Variants in CPED1 observed in about 807,000 individuals in gnomAD.
CPED1 encodes cadherin-like and PC-esterase domain-containing protein 1.
Under a neutral mutation model 128.2 loss-of-function variants are expected in CPED1, and 114 were observed. The ratio of observed to expected loss-of-function variants is 0.89; its 90% CI spans 0.76 to 1.04. The LOEUF (loss-of-function observed/expected upper bound fraction) is 1.04, where lower values mean the gene tolerates loss of function less well. CPED1 is among the 50% of genes least tolerant of loss of function. The pLI, the probability that CPED1 is intolerant of heterozygous loss-of-function variation, is 0.00. For synonymous variants in CPED1, 462 were observed against 426.7 expected (o/e 1.08, Z -1.02); for missense variants, 1,211 against 1,207.1 (o/e 1.00, Z -0.05).
intron 16 of CPED1, among the ~76,000 whole-genome samples, chr7:121,164,610 C>T (rs962648946): frequency 6.6e-6 from 1 of 152,134 alleles, no homozygotes; most frequent in South Asian, 2.1e-4. Context: ...GCCTCTTGTC[C>T]CCAAACTGCG....
At chr7:120,991,902 T>C (rs1161787974) in intron 2 of CPED1, among the ~76,000 whole-genome samples, 1 of 152,226 alleles carries the variant, frequency 6.6e-6, no homozygotes, top group African/African-American at 2.4e-5. Flanking sequence ...ATTAGCCATG[T>C]CACTCCATTT....
At chr7:121,173,925 C>G (rs1185567191) in intron 16 of CPED1, among the ~76,000 whole-genome samples, 2 of 152,094 alleles carry the variant, frequency 1.3e-5, no homozygotes, top group African/African-American at 4.8e-5. Context: ...AATAACCATT[C>G]TGACTGGTGT....
At chr7:121,272,338 A>G (rs1443404969) in intron 22 of CPED1, among the ~76,000 whole-genome samples, 1 of 152,064 alleles carries the variant, frequency 6.6e-6, no homozygotes, top group Non-Finnish European at 1.5e-5. Flanking sequence ...TTTGACTAGT[A>G]CAAGCATAAC....
At chr7:121,078,464 CAT>C (rs1201979095) in intron 5 of CPED1, among the ~76,000 whole-genome samples, 1 of 122,592 alleles carries the variant, frequency 8.2e-6, no homozygotes, top group Non-Finnish European at 1.6e-5. Flanking sequence ...GCCTGGGTAA[CAT>C]GAGATCCTGT....
intron 7 of CPED1, among the ~76,000 whole-genome samples, chr7:121,116,640 G>A (rs150998907): frequency 1.9e-3 from 292 of 152,102 alleles, no homozygotes; most frequent in African/African-American, 6.6e-3. Context: ...GGATTTCAGG[G>A]TCCATCCATA....
intron 7 of CPED1, among the ~76,000 whole-genome samples, chr7:121,103,315 C>G (rs1197194903): frequency 6.6e-6 from 1 of 152,082 alleles, no homozygotes; most frequent in Non-Finnish European, 1.5e-5. Flanking sequence ...ACTGTTATCT[C>G]CTCAGAGGGA....
chr7:121,261,485 C>T (rs1370386562), intron 18 of CPED1: 7 of 1,182,226 alleles, frequency 5.9e-6, no homozygotes, highest in Non-Finnish European at 8.5e-6. Flanking sequence ...TAGCACACAA[C>T]TTGACTATAT....
At chr7:121,051,307 G>A (rs1456156238) in intron 4 of CPED1, 6 of 459,416 alleles carry the variant, frequency 1.3e-5, no homozygotes, top group Non-Finnish European at 2.5e-5. Context: ...TTTTTTAGTA[G>A]CTCTAGAAAC....
Position 121,231,752 on chromosome 7 carries a change from G to C in CPED1, c.2056-4962G>C, listed in dbSNP as rs1390514429. On this transcript the variant is annotated intron_variant, in intron 16 of 22. Transcript: ENST00000310396. ...AAATTGAAAGAGTTAGGAATCATGG[G>C]AATGGAAGTTCTGCATGACTGCAGA... Among the ~76,000 whole-genome samples the C allele has an allele frequency of 2.6e-5, 4 of 152,012 alleles. No individual in the cohort carries two copies. The East Asian group carries it at 7.7e-4, about 29-fold the overall frequency.
In CPED1 at chr7:121,120,110, TG is replaced by T. The variant is rs1402924368; in HGVS notation, c.919-4218del. On this transcript the variant is annotated intron_variant, in intron 7 of 22. Transcript: ENST00000310396. ...AATGTCAATAATGCTATTATGAACA[TG>T]GGTGTGTAAATATGTCTTTGAGACC... Among the ~76,000 whole-genome samples the T allele has an allele frequency of 2.0e-5, 3 of 152,236 alleles. No individual in the cohort carries two copies. In the East Asian group the frequency reaches 5.8e-4, roughly 29 times the overall value.
At position 121,194,786 on chromosome 7, in the gene CPED1, T is replaced by C. The variant is rs74864469; in HGVS notation, c.2056-41928T>C. Among the ~76,000 whole-genome samples, 3,333 of 152,220 alleles carry C rather than the reference T, an allele frequency of 0.022. 173 individuals carry two copies. In the East Asian group the frequency reaches 0.23, roughly 10 times the overall value. On this transcript the variant is annotated intron_variant, in intron 16 of 22. Coordinates refer to ENST00000310396, the MANE Select transcript of CPED1 (RefSeq NM_024913.5). ...TTGTTTGTTTTTTGTTTTTCTGTTT[T>C]GAGATGTGGGCTCACTCCATTGCCC...
At chr7:121,200,194 A>G (rs1797364357) in intron 16 of CPED1, among the ~76,000 whole-genome samples, 1 of 152,134 alleles carries the variant, frequency 6.6e-6, no homozygotes, top group Non-Finnish European at 1.5e-5. Context: ...AATTAGGGCA[A>G]TGTTTCCAAG....
chr7:121,179,480 A>G (rs1381859216), intron 16 of CPED1, among the ~76,000 whole-genome samples: 1 of 152,150 alleles, frequency 6.6e-6, no homozygotes, highest in Non-Finnish European at 1.5e-5. Context: ...TTGCTGAAGT[A>G]CTATCACAAT....
At chr7:121,217,705 C>T (rs1244477751) in intron 16 of CPED1, among the ~76,000 whole-genome samples, 1 of 151,986 alleles carries the variant, frequency 6.6e-6, no homozygotes, top group African/African-American at 2.4e-5. Context: ...GATTCATTCC[C>T]ATATGTTCTT....
chr7:121,062,783 G>A (rs1235423151), intron 4 of CPED1: 1 of 152,090 alleles, frequency 6.6e-6, no homozygotes, highest in African/African-American at 2.4e-5. Context: ...CATGGGTGCG[G>A]TTTCCCCCAT....
At chr7:121,194,022 C>CTCTCTATA (rs1484413430) in intron 16 of CPED1, among the ~76,000 whole-genome samples, 19 of 74,722 alleles carry the variant, frequency 2.5e-4, no homozygotes, top group Admixed American at 7.2e-4. Context: ...CTCTCTCTCT[C>CTCTCTATA]TATATATATA....
intron 6 of CPED1, among the ~76,000 whole-genome samples, chr7:121,098,587 C>T (rs897426710): frequency 2.1e-4 from 31 of 151,144 alleles, no homozygotes; most frequent in African/African-American, 7.5e-4. Flanking sequence ...GAAAAATTAG[C>T]CAGGCACAGT....
intron 11 of CPED1, 148 bp downstream of exon 11, chr7:121,128,634 A>C (rs1795569726): frequency 1.8e-6 from 1 of 570,426 alleles, no homozygotes. Context: ...TCAGAGATCT[A>C]AGTAGCAAAA....
chr7:121,203,983 C>T (rs1797463234), intron 16 of CPED1, among the ~76,000 whole-genome samples: 2 of 152,092 alleles, frequency 1.3e-5, no homozygotes, highest in African/African-American at 4.8e-5. Flanking sequence ...TGCACCTGCA[C>T]TCAGTGAGGG....
Sources: gnomAD v4.1 joint callset for allele counts (sites outside exome capture counted in the v4.1 genomes callset) on GRCh38, gnomAD v4.1.1 for gene constraint, MANE v1.5 for transcripts, NCBI Gene and HGNC (gene_info 2026-07-23, HGNC 2026-07-21) for gene names.